SEC14L5: variants seen among roughly 807,000 people sequenced by gnomAD.
SEC14L5 encodes SEC14 like lipid binding 5.
In SEC14L5, 96 loss-of-function variants were observed where a neutral mutation model predicts 84.6. The observed-to-expected ratio is 1.13, with a 90% CI of 0.96 to 1.34. The LOEUF (loss-of-function observed/expected upper bound fraction) is 1.34. Among genes scored for constraint, SEC14L5 ranks in the 40% most tolerant of loss-of-function variants. The pLI, the probability that SEC14L5 is intolerant of heterozygous loss-of-function variation, is 0.00. For missense variants in SEC14L5, 1,224 were observed against 942.5 expected (o/e 1.30, Z -3.91); for synonymous variants, 546 against 383.4 (o/e 1.42, Z -4.95).
intron 2 of SEC14L5, among the ~76,000 whole-genome samples, chr16:4,985,216 A>C (rs1016017427): frequency 6.6e-6 from 1 of 151,938 alleles, no homozygotes; most frequent in African/African-American, 2.4e-5. Context: ...AAAAATTATT[A>C]TTATTATTTT....
chr16:5,006,148 G>A (rs1955730174), intron 12 of SEC14L5, 100 bp downstream of exon 12: 5 of 1,274,776 alleles, frequency 3.9e-6, no homozygotes, highest in Non-Finnish European at 5.6e-6. Flanking sequence ...GTGGAGGGGG[G>A]CTGGGTGCGG....
intron 2 of SEC14L5, among the ~76,000 whole-genome samples, chr16:4,979,096 G>A (rs1189054350): frequency 6.6e-6 from 1 of 152,174 alleles, no homozygotes; most frequent in Non-Finnish European, 1.5e-5. Context: ...ACCCTCAGAG[G>A]TGCCCATGGT....
chr16:4,975,321 A>C (rs1010860939), intron 2 of SEC14L5, among the ~76,000 whole-genome samples: 2 of 151,798 alleles, frequency 1.3e-5, no homozygotes, highest in African/African-American at 4.8e-5. Context: ...AAGTACAAAA[A>C]AATTAGCTGG....
chr16:4,967,032 G>A (rs1015392699), intron 2 of SEC14L5, among the ~76,000 whole-genome samples: 2 of 152,224 alleles, frequency 1.3e-5, no homozygotes, highest in African/African-American at 2.4e-5. Flanking sequence ...TAGCAGAAGA[G>A]GAAATTGAGG....
chr16:5,008,424 G>C lies in SEC14L5; in HGVS notation c.1576G>C (p.Ala526Pro), dbSNP rs1006047537. 2 of 1,608,550 alleles carry C rather than the reference G, an allele frequency of 1.2e-6. No individual in the cohort carries two copies. Among genetic ancestry groups the C allele is most frequent in the African/African-American group, 2.7e-5 (2 of 74,822 alleles). Reference protein sequence around the residue: ...SVLRGAPHEVAVEILEGESVI... With the variant: ...SVLRGAPHEVPVEILEGESVI... ...GACCTCGCCTGTCTCCACACAGGTG[G>C]CCGTGGAGATCCTGGAAGGAGAGTC... is the stretch of plus-strand genomic sequence containing the variant. The change falls in exon 14 of 16, where the codon GCC (alanine) becomes CCC (proline). Residue 526 changes from alanine to proline, a missense_variant. Transcript: ENST00000251170.
rs139896246 is a variant in SEC14L5, at chr16:5,011,958, C to T, written c.1979+685C>T. Among the ~76,000 whole-genome samples the T allele has an allele frequency of 6.0e-4, 91 of 152,238 alleles. 1 individual carries two copies. The highest frequency in any genetic ancestry group is 2.1e-3 in the African/African-American group (89 of 41,518). On this transcript the variant is annotated intron_variant, in intron 15 of 15. Coordinates refer to ENST00000251170, the MANE Select transcript of SEC14L5 (RefSeq NM_014692.2). ...TGTAAAAGCACTTATGATTTTGCAC[C>T]CTGCTTCATGATGGATCTGCACTGG...
At chr16:5,000,227 G>C (rs562994595) in intron 8 of SEC14L5, among the ~76,000 whole-genome samples, 33 of 152,104 alleles carry the variant, frequency 2.2e-4, no homozygotes, top group Non-Finnish European at 4.4e-4. Context: ...GGAGGCCGAG[G>C]TTACAGTGAG....
chr16:5,008,445 G>C lies in SEC14L5; in HGVS notation c.1597G>C (p.Glu533Gln), dbSNP rs1360462118. The C allele has an allele frequency of 1.2e-6, 2 of 1,613,236 alleles. No homozygotes were observed. Among genetic ancestry groups the C allele is most frequent in the Non-Finnish European group, 1.7e-6 (2 of 1,179,708 alleles). Residue 533 changes from glutamate to glutamine, a missense_variant, in exon 14 of 16, where the codon GAG (glutamate) becomes CAG (glutamine). By Grantham distance (29) the Glu-to-Gln change is conservative. Transcript: ENST00000251170. ...HEVAVEILEG[E>Q]SVITWDFDIL... is the part of the protein sequence containing the mutation. The stretch of plus-strand genomic sequence containing the variant: ...GGTGGCCGTGGAGATCCTGGAAGGA[G>C]AGTCGGTCATCACCTGGGACTTTGA...
At chr16:4,988,750 T>A (rs991262711) in intron 4 of SEC14L5, among the ~76,000 whole-genome samples, 1 of 152,254 alleles carries the variant, frequency 6.6e-6, no homozygotes, top group African/African-American at 2.4e-5. Context: ...AAATGTTACC[T>A]TTGACTATAA....
rs955243183 is a variant in SEC14L5, at chr16:4,996,919, G to A, written c.845G>A (p.Arg282Gln). Residue 282 changes from arginine to glutamine, a missense_variant, in exon 8 of 16, where the codon CGG (arginine) becomes CAG (glutamine). Physicochemically the swap from Arg to Gln is conservative, Grantham distance 43 (BLOSUM62 1). Coordinates refer to ENST00000251170, the MANE Select transcript of SEC14L5 (RefSeq NM_014692.2). ...RAHDFHLDKA[R>Q]EMLRQSLSWR... ...CATGACTTCCACCTGGACAAGGCCC[G>A]GGAAATGCTGCGCCAGTCCTTGAGC... The A allele has an allele frequency of 5.6e-6, 9 of 1,613,494 alleles. No homozygotes were observed. The highest frequency in any genetic ancestry group is 3.3e-5 in the South Asian group (3 of 91,046).
At chr16:4,997,802 C>T (rs1955628020) in intron 8 of SEC14L5, among the ~76,000 whole-genome samples, 1 of 151,976 alleles carries the variant, frequency 6.6e-6, no homozygotes, top group South Asian at 2.1e-4. Context: ...TCTGGTGGAC[C>T]CAGGTGTTCC....
chr16:4,968,037 G>A (rs1024620544), intron 2 of SEC14L5, among the ~76,000 whole-genome samples: 3 of 126,108 alleles, frequency 2.4e-5, no homozygotes, highest in African/African-American at 8.8e-5. Context: ...TTTCTTTTTT[G>A]AGACAGGGGC....
At position 5,016,355 on chromosome 16, in the gene SEC14L5, G is replaced by A. The variant is rs1427744005; in HGVS notation, c.*1385G>A. On this transcript the variant is annotated 3_prime_UTR_variant, in exon 16 of 16. Transcript: ENST00000251170. ...CCTGATCTGGCCTGCTTTTAGTGTT[G>A]CTTTTTTGCCTTTAGAATGGTTTAA... The A allele has an allele frequency of 1.3e-5, 2 of 152,168 alleles. No individual in the cohort carries two copies. Among genetic ancestry groups the A allele is most frequent in the Admixed American group, 6.5e-5 (1 of 15,274 alleles). The allele number at this position is 152,168 out of a possible 1,614,324, so 9.4% of individuals were successfully genotyped here. A position where few individuals can be genotyped will look rare whatever the true frequency, so the allele number is the denominator to read the frequency against.
chr16:4,979,260 G>T (rs1255010599), intron 2 of SEC14L5, among the ~76,000 whole-genome samples: 2 of 152,182 alleles, frequency 1.3e-5, no homozygotes, highest in African/African-American at 4.8e-5. Flanking sequence ...CTGTCCTTCA[G>T]AGATCAAGGC....
chr16:4,987,788 A>T, intron 3 of SEC14L5, 82 bp downstream of exon 3: 1 of 1,110,024 alleles, frequency 9.0e-7, no homozygotes, highest in South Asian at 1.7e-5. Flanking sequence ...GCTGGGGACC[A>T]GGGCGGCGGG....
chr16:4,973,180 G>T (rs1035526336), intron 2 of SEC14L5, among the ~76,000 whole-genome samples: 1 of 152,140 alleles, frequency 6.6e-6, no homozygotes, highest in Non-Finnish European at 1.5e-5. Flanking sequence ...GCAGAGCTGG[G>T]GTCACATGTT....
At chr16:4,987,516 G>GCC in intron 2 of SEC14L5, 41 bp from the exon 3 acceptor site, 7 of 1,412,216 alleles carry the variant, frequency 5.0e-6, no homozygotes, top group Non-Finnish European at 6.6e-6. Context: ...GGGTCCCTCT[G>GCC]CCCCCCCCAC....
chr16:5,001,689 T>G (rs1955679945), intron 10 of SEC14L5, among the ~76,000 whole-genome samples: 1 of 152,206 alleles, frequency 6.6e-6, no homozygotes, highest in African/African-American at 2.4e-5. Flanking sequence ...GTTCCTGAAC[T>G]GTTTCCCGGA....
chr16:5,009,758 T>C (rs1955778390), intron 14 of SEC14L5, among the ~76,000 whole-genome samples: 1 of 152,100 alleles, frequency 6.6e-6, no homozygotes, highest in African/African-American at 2.4e-5. Context: ...GATGAGCATA[T>C]TGGAATTTGA....
Sources: allele counts gnomAD v4.1 joint callset (sites outside exome capture counted in the v4.1 genomes callset), GRCh38; gene constraint gnomAD v4.1.1; transcripts MANE v1.5; gene names NCBI Gene and HGNC (gene_info 2026-07-23, HGNC 2026-07-21).